The following RET variants were observed in gnomAD, a reference collection of about 807,000 sequenced individuals.
RET encodes the protein proto-oncogene tyrosine-protein kinase receptor Ret.
RET carries 19 observed loss-of-function variants against 118.3 expected under a neutral mutation model. That is an observed-to-expected ratio of 0.16 (90% CI 0.11 to 0.24). The LOEUF is 0.24. Among genes scored for constraint, RET ranks in the 10% least tolerant of loss-of-function variants. The pLI is 1.00. For synonymous variants in RET, 597 were observed against 644.1 expected, an observed-to-expected ratio of 0.93 and a Z score of 1.11; for missense variants, 1,219 against 1,502.1, an observed-to-expected ratio of 0.81 and a Z score of 3.12.
intron 15 of RET, 84 bp from the exon 16 acceptor site, chr10:43,121,862 G>T: frequency 9.8e-7 from 1 of 1,017,778 alleles, no homozygotes. Context: ...TGAAAGCTCA[G>T]GGATAGGGCC....
At chr10:43,108,407 G>A (rs756330846) in intron 5 of RET, among the ~76,000 whole-genome samples, 5 of 152,100 alleles carry the variant, frequency 3.3e-5, no homozygotes, top group Non-Finnish European at 7.3e-5. Flanking sequence ...TTATAATTTG[G>A]TATCTTACTG....
intron 9 of RET, among the ~76,000 whole-genome samples, 157 bp from the exon 10 acceptor site, chr10:43,113,399 T>A (rs1045658531): frequency 1.3e-5 from 2 of 152,192 alleles, no homozygotes; most frequent in Non-Finnish European, 2.9e-5. Flanking sequence ...GACCAAGCCC[T>A]GCCCGGCTAA....
intron 1 of RET, among the ~76,000 whole-genome samples, chr10:43,098,570 C>T (rs572167159): frequency 2.3e-4 from 35 of 152,184 alleles, no homozygotes; most frequent in Non-Finnish European, 1.8e-4. Flanking sequence ...TATAGGCGCC[C>T]GCCTTCATGC....
chr10:43,119,652 G>C lies in RET; in HGVS notation c.2514G>C (p.Leu838=), dbSNP rs2132947285. The C allele has an allele frequency of 6.2e-7, 1 of 1,613,306 alleles. No individual in the cohort carries two copies. The highest frequency in any genetic ancestry group is 1.7e-5 in the Admixed American group (1 of 60,032). ...GSGGSRNSSS[L]DHPDERALTM... The stretch of plus-strand genomic sequence containing the variant: ...GAGGCAGCCGCAACTCCAGCTCCCT[G>C]GACCACCCGGATGAGCGGGCCCTCA... The change falls in exon 14 of 20, where the codon CTG becomes CTC. Residue 838 remains leucine (L), a synonymous_variant. Coordinates refer to ENST00000355710, the MANE Select transcript of RET (RefSeq NM_020975.6).
At chr10:43,079,843 G>T (rs1164846912) in intron 1 of RET, among the ~76,000 whole-genome samples, 1 of 152,142 alleles carries the variant, frequency 6.6e-6, no homozygotes. Context: ...CAGGCCAGGG[G>T]TACAGCTCCC....
intron 5 of RET, among the ~76,000 whole-genome samples, chr10:43,108,659 A>G (rs1485155298): frequency 6.6e-6 from 1 of 152,136 alleles, no homozygotes; most frequent in African/African-American, 2.4e-5. Flanking sequence ...CAAACACCCC[A>G]TACACACAGG....
At position 43,111,279 on chromosome 10, in the gene RET, G is replaced by A. The variant is rs115423919; in HGVS notation, c.1336G>A (p.Gly446Ser). Residue 446 changes from glycine to serine, a missense_variant, in exon 7 of 20, where the codon GGT becomes AGT. By Grantham distance (56) the Gly-to-Ser change is moderately conservative. Coordinates refer to ENST00000355710, the MANE Select transcript of RET (RefSeq NM_020975.6). ...INVQYKLHSS[G>S]ANCSTLGVVT... Reference sequence around the variant, plus strand: ...CGTCCAGTACAAGCTGCATTCCTCTGGTGCCAACTGCAGCACGCTAGGGGT... The same window carrying A: ...CGTCCAGTACAAGCTGCATTCCTCTAGTGCCAACTGCAGCACGCTAGGGGT... 1 of 1,614,172 alleles carries A rather than the reference G, an allele frequency of 6.2e-7. No homozygotes were observed. Among genetic ancestry groups the A allele is most frequent in the Non-Finnish European group, 8.5e-7 (1 of 1,180,024 alleles).
At chr10:43,110,613 A>G (rs937828850) in intron 6 of RET, among the ~76,000 whole-genome samples, 5 of 152,014 alleles carry the variant, frequency 3.3e-5, no homozygotes, top group African/African-American at 1.2e-4. Flanking sequence ...TCCCCAGGAG[A>G]AGAGGCTCCT....
chr10:43,104,055 C>T (rs1837701407), intron 3 of RET, among the ~76,000 whole-genome samples: 1 of 152,220 alleles, frequency 6.6e-6, no homozygotes, highest in Non-Finnish European at 1.5e-5. Flanking sequence ...AGCTGCCATG[C>T]AGGGCACGGA....
intron 6 of RET, among the ~76,000 whole-genome samples, chr10:43,109,766 A>G (rs1837872952): frequency 6.6e-6 from 1 of 151,300 alleles, no homozygotes. Flanking sequence ...TAATGATTAG[A>G]AATAGAAGGC....
In RET at chr10:43,106,118, A is replaced by G. The variant is rs1165045545; in HGVS notation, c.868-258A>G. On this transcript the variant is annotated intron_variant, in intron 4 of 19. Coordinates refer to ENST00000355710, the MANE Select transcript of RET (RefSeq NM_020975.6). This position sits in a 1 kb window ranked among gnomAD's most constrained non-coding sequence, Gnocchi z 5.1. ...GCAGGGTGCCTGGGCATCGGCTGTA[A>G]TTCTCCTTATAAGAGGTCTGCATTG... Among the ~76,000 whole-genome samples the G allele has an allele frequency of 6.6e-6, 1 of 152,078 alleles. No homozygotes were observed. The highest frequency in any genetic ancestry group is 1.9e-4 in the East Asian group (1 of 5,172).
chr10:43,092,102 A>G (rs769239028), intron 1 of RET, among the ~76,000 whole-genome samples: 3 of 152,376 alleles, frequency 2.0e-5, no homozygotes, highest in Admixed American at 1.3e-4. Context: ...CCATTGACCA[A>G]TGAATGGATA....
Position 43,119,445 on chromosome 10 carries a change from G to T in RET, c.2393-86G>T, listed in dbSNP as rs1588876988. On this transcript the variant is annotated intron_variant, in intron 13 of 19. Coordinates refer to ENST00000355710, the MANE Select transcript of RET (RefSeq NM_020975.6). Reference sequence around the variant, plus strand: ...CTTACTCATTGGGTGGCCGGGCCTGGGGACCCTGCGGCCTCCCACCCCTGG... The same window carrying T: ...CTTACTCATTGGGTGGCCGGGCCTGTGGACCCTGCGGCCTCCCACCCCTGG... 6.0e-6 allele frequency: 7 copies of T among 1,169,764 alleles called. No individual in the cohort carries two copies. In the East Asian group the frequency reaches 1.8e-4, roughly 30 times the overall value. 72.5% of individuals were successfully genotyped at this position (1,169,764 alleles called of 1,614,324 possible).
chr10:43,095,732 G>T (rs1426004590), intron 1 of RET, among the ~76,000 whole-genome samples: 1 of 152,212 alleles, frequency 6.6e-6, no homozygotes, highest in African/African-American at 2.4e-5. Flanking sequence ...TGCATGCCCT[G>T]TGCGTGCATA....
rs376839375 is a variant in RET at position 43,114,436 on chromosome 10, C to T, written c.1880-44C>T. The T allele has an allele frequency of 5.6e-6, 9 of 1,601,174 alleles. No individual in the cohort carries two copies. Among genetic ancestry groups the T allele is most frequent in the African/African-American group, 5.3e-5 (4 of 74,870 alleles). On this transcript the variant is annotated intron_variant, in intron 10 of 19. Transcript: ENST00000355710. This position sits in a 1 kb window ranked among gnomAD's most constrained non-coding sequence, Gnocchi z 4.6. ...ATACGCAGCCTGTACCCAGTGGTGC[C>T]GAGCCTCTGGCGGTGCCAAGCCTCA... is the stretch of plus-strand genomic sequence containing the variant.
In RET at chr10:43,114,519, C is replaced by T. The variant is rs78935588; in HGVS notation, c.1919C>T (p.Ala640Val). ...GAGCTGTGCCGCACGGTGATCGCAG[C>T]CGCTGTCCTCTTCTCCTTCATCGTC... ...CDELCRTVIA[A>V]AVLFSFIVSV... The change falls in exon 11 of 20, where the codon GCC becomes GTC. Residue 640 changes from alanine to valine, a missense_variant. Ala to Val is a moderately conservative substitution (Grantham distance 64). Around this residue, in one of 5 missense-constraint regions of RET, gnomAD observed 850 missense variants for 969.6 expected, o/e 0.88. Coordinates refer to ENST00000355710, the MANE Select transcript of RET (RefSeq NM_020975.6). The surrounding 1 kb of genome is among the most constrained non-coding windows in gnomAD (Gnocchi z 4.6). The T allele has an allele frequency of 6.2e-7, 1 of 1,609,326 alleles. No individual in the cohort carries two copies.
chr10:43,100,414 A>G (rs751810285), intron 1 of RET, 45 bp from the exon 2 acceptor site: 1 of 1,605,446 alleles, frequency 6.2e-7, no homozygotes, highest in Non-Finnish European at 8.5e-7. Flanking sequence ...TCCTTGAAGA[A>G]GCCTTATTCT....
Position 43,106,586 on chromosome 10 carries a change from T to A in RET, c.1063+15T>A. ...ACATGACTATAGTAAGAGGGGCTGGTGGCACGGCCTGGCTAGGCCCCCAGG... is the reference window on the plus strand; with the variant it reads ...ACATGACTATAGTAAGAGGGGCTGGAGGCACGGCCTGGCTAGGCCCCCAGG... On this transcript the variant is annotated intron_variant, in intron 5 of 19. Coordinates refer to ENST00000355710, the MANE Select transcript of RET (RefSeq NM_020975.6). This position sits in a 1 kb window ranked among gnomAD's most constrained non-coding sequence, Gnocchi z 5.1. 1 of 1,611,206 alleles carries A rather than the reference T, an allele frequency of 6.2e-7. No homozygotes were observed. Among genetic ancestry groups the A allele is most frequent in the Non-Finnish European group, 8.5e-7 (1 of 1,178,734 alleles).
chr10:43,097,761 TTCC>T (rs1225738992), intron 1 of RET, among the ~76,000 whole-genome samples: 1 of 152,198 alleles, frequency 6.6e-6, no homozygotes, highest in Non-Finnish European at 1.5e-5. Flanking sequence ...ACCTGTTCTC[TTCC>T]AGGCTCCCCT....
Sources: gnomAD v4.1 joint callset for allele counts (sites outside exome capture counted in the v4.1 genomes callset) on GRCh38, gnomAD v4.1.1 for gene constraint, gnomAD v4.1.1 regional missense constraint, Gnocchi (gnomAD v3.1) non-coding constraint, MANE v1.5 for transcripts, NCBI Gene and HGNC (gene_info 2026-07-23, HGNC 2026-07-21) for gene names.